GALNT11: variants seen among roughly 807,000 people sequenced by gnomAD.
The protein encoded by GALNT11 is polypeptide N-acetylgalactosaminyltransferase 11.
Under a neutral mutation model 72.7 loss-of-function variants are expected in GALNT11, and 47 were observed. That is an observed-to-expected ratio of 0.65 (90% CI 0.51 to 0.82). GALNT11 has a LOEUF of 0.82. GALNT11 is among the 40% of genes least tolerant of loss of function. The pLI is 0.00. For synonymous variants in GALNT11, 270 were observed against 286.6 expected (o/e 0.94, Z 0.58); for missense variants, 677 against 778.4 (o/e 0.87, Z 1.55).
At chr7:152,027,403 AC>A (rs2082074226) in intron 1 of GALNT11, among the ~76,000 whole-genome samples, 1 of 152,166 alleles carries the variant, frequency 6.6e-6, no homozygotes, top group Non-Finnish European at 1.5e-5. Context: ...GCTACAAACA[AC>A]CTGCAAGGCT....
At chr7:152,059,486 ACTGT>A (rs772573765) in intron 1 of GALNT11, among the ~76,000 whole-genome samples, 9 of 152,336 alleles carry the variant, frequency 5.9e-5, no homozygotes, top group Admixed American at 2.0e-4. Flanking sequence ...CAAAGGAATC[ACTGT>A]CTGTGACAGC....
intron 1 of GALNT11, among the ~76,000 whole-genome samples, chr7:152,041,234 C>T: frequency 6.6e-6 from 1 of 152,190 alleles, no homozygotes. Context: ...TTACCTATTT[C>T]CCAACTTTTT....
At chr7:152,058,434 A>G (rs1387273777) in intron 1 of GALNT11, among the ~76,000 whole-genome samples, 1 of 152,116 alleles carries the variant, frequency 6.6e-6, no homozygotes, top group Non-Finnish European at 1.5e-5. Context: ...TCCCGGTTCA[A>G]GCGATACTCC....
At chr7:152,048,586 G>A (rs1163492221) in intron 1 of GALNT11, among the ~76,000 whole-genome samples, 2 of 151,292 alleles carry the variant, frequency 1.3e-5, no homozygotes, top group Non-Finnish European at 2.9e-5. Context: ...CTGGAGTGCA[G>A]TGGTGCGATC....
At position 152,120,918 on chromosome 7, in the gene GALNT11, C is replaced by T. The variant is rs759847312; in HGVS notation, c.1645C>T (p.Arg549Trp). ...MSETRSSDPP[R>W]LMKCHGSGGS... ...AGAGACTCGCTCATCAGACCCGCCA[C>T]GGCTCATGAAATGCCACGGGTCAGG... The change falls in exon 11 of 12, where the codon CGG (arginine) becomes TGG (tryptophan). Residue 549 changes from arginine to tryptophan, a missense_variant. Coordinates refer to ENST00000430044, the MANE Select transcript of GALNT11 (RefSeq NM_022087.4). The T allele has an allele frequency of 5.6e-6, 9 of 1,613,926 alleles. No individual in the cohort carries two copies. Among genetic ancestry groups the T allele is most frequent in the East Asian group, 4.5e-5 (2 of 44,898 alleles).
chr7:152,029,893 A>T (rs1256204291), intron 1 of GALNT11, among the ~76,000 whole-genome samples: 33 of 152,226 alleles, frequency 2.2e-4, no homozygotes, highest in Admixed American at 2.2e-3. Flanking sequence ...TTTTGATAGG[A>T]AGGCTATGGG....
intron 1 of GALNT11, among the ~76,000 whole-genome samples, chr7:152,039,905 A>G (rs998248485): frequency 6.6e-6 from 1 of 152,096 alleles, no homozygotes; most frequent in African/African-American, 2.4e-5. Flanking sequence ...TGCTGATAGC[A>G]TCTGGCCTTT....
chr7:152,061,184 T>C (rs1241708500), intron 1 of GALNT11, among the ~76,000 whole-genome samples: 1 of 152,240 alleles, frequency 6.6e-6, no homozygotes, highest in Non-Finnish European at 1.5e-5. Flanking sequence ...TGTGAGATGG[T>C]ATCTCATTGT....
intron 1 of GALNT11, among the ~76,000 whole-genome samples, chr7:152,057,786 G>A (rs1468346761): frequency 6.6e-6 from 1 of 152,156 alleles, no homozygotes; most frequent in African/African-American, 2.4e-5. Context: ...AATATGGTAC[G>A]TGTATTTCAG....
intron 1 of GALNT11, among the ~76,000 whole-genome samples, chr7:152,075,636 G>A (rs150909049): frequency 1.5e-4 from 23 of 152,126 alleles, no homozygotes; most frequent in African/African-American, 4.8e-4. Flanking sequence ...GAGAAACTCC[G>A]TCTACAAAAA....
At chr7:152,044,643 T>C (rs1051836934) in intron 1 of GALNT11, among the ~76,000 whole-genome samples, 27 of 152,376 alleles carry the variant, frequency 1.8e-4, no homozygotes, top group African/African-American at 6.0e-4. Context: ...ATTGATTTTG[T>C]ATCCTGTAAC....
intron 1 of GALNT11, among the ~76,000 whole-genome samples, chr7:152,058,974 C>G (rs185401418): frequency 2.7e-5 from 4 of 150,268 alleles, no homozygotes; most frequent in Admixed American, 2.6e-4. Flanking sequence ...AAGTCTTGAA[C>G]CTGTCGGTCA....
chr7:152,091,567 G>A (rs562139225), intron 1 of GALNT11, among the ~76,000 whole-genome samples: 2 of 151,798 alleles, frequency 1.3e-5, no homozygotes, highest in South Asian at 2.1e-4. Flanking sequence ...TAGTAGAGAC[G>A]GGGTTTCACC....
intron 1 of GALNT11, among the ~76,000 whole-genome samples, chr7:152,039,812 C>T (rs572440732): frequency 4.6e-5 from 7 of 152,252 alleles, no homozygotes; most frequent in East Asian, 1.9e-4. Flanking sequence ...ACCTATTTCC[C>T]GACTTTTTGT....
intron 9 of GALNT11, chr7:152,117,784 G>A (rs757411609): frequency 5.3e-6 from 1 of 187,790 alleles, no homozygotes; most frequent in East Asian, 1.5e-4. Flanking sequence ...GAGGGTCAGA[G>A]TGGGGACATG....
intron 1 of GALNT11, among the ~76,000 whole-genome samples, chr7:152,048,687 G>A (rs989533759): frequency 6.6e-6 from 1 of 151,590 alleles, no homozygotes; most frequent in South Asian, 2.1e-4. Flanking sequence ...CCACCACCAC[G>A]CCTGGCTAAT....
intron 1 of GALNT11, among the ~76,000 whole-genome samples, chr7:152,035,489 C>T (rs1366902571): frequency 2.0e-5 from 3 of 152,172 alleles, no homozygotes; most frequent in East Asian, 1.9e-4. Context: ...GAGTTCTGCT[C>T]ATGGCCACAG....
chr7:152,030,719 TCTGA>T (rs2082268981), intron 1 of GALNT11, among the ~76,000 whole-genome samples: 1 of 152,210 alleles, frequency 6.6e-6, no homozygotes, highest in South Asian at 2.1e-4. Context: ...TGTCTCTCTC[TCTGA>T]CTCTCTCTTT....
At chr7:152,031,450 G>A (rs2082301133) in intron 1 of GALNT11, among the ~76,000 whole-genome samples, 2 of 152,214 alleles carry the variant, frequency 1.3e-5, no homozygotes, top group African/African-American at 4.8e-5. Context: ...TGGTATCTAA[G>A]TAGGTGGTTG....
Sources: allele counts gnomAD v4.1 joint callset (sites outside exome capture counted in the v4.1 genomes callset), GRCh38; gene constraint gnomAD v4.1.1; transcripts MANE v1.5; gene names NCBI Gene and HGNC (gene_info 2026-07-23, HGNC 2026-07-21).